The following CFAP299 variants were observed in gnomAD, a reference collection of about 807,000 sequenced individuals.
CFAP299 encodes cilia- and flagella-associated protein 299.
In CFAP299, 21 loss-of-function variants were observed where a neutral mutation model predicts 27.0. The ratio of observed to expected loss-of-function variants is 0.78; its 90% CI spans 0.55 to 1.12. The LOEUF is 1.12. CFAP299 is among the 50% of genes most tolerant of loss of function. CFAP299 has a pLI of 0.00. For synonymous variants in CFAP299, 104 were observed against 98.1 expected, an observed-to-expected ratio of 1.06 and a Z score of -0.36; for missense variants, 310 against 276.6, an observed-to-expected ratio of 1.12 and a Z score of -0.86.
Position 80,629,747 on chromosome 4 carries a change from G to A in CFAP299, c.333+46564G>A, listed in dbSNP as rs571003450. ...ATACAAAAATTAGCCAGGTATGATG[G>A]TGTGCACCTGTAGTCCCAGCTACTT... On this transcript the variant is annotated intron_variant, in intron 3 of 5. Coordinates refer to ENST00000358105, the MANE Select transcript of CFAP299 (RefSeq NM_152770.3). Among the ~76,000 whole-genome samples, 5 of 151,946 alleles carry A rather than the reference G, an allele frequency of 3.3e-5. No homozygotes were observed. The South Asian group carries it at 1.0e-3, about 32-fold the overall frequency.
intron 3 of CFAP299, among the ~76,000 whole-genome samples, chr4:80,629,389 A>C (rs1454285669): frequency 6.6e-6 from 1 of 152,104 alleles, no homozygotes; most frequent in Non-Finnish European, 1.5e-5. Context: ...CAAGAGCTCT[A>C]TTGTACAACT....
chr4:80,724,913 T>C (rs1320558680), intron 3 of CFAP299, among the ~76,000 whole-genome samples: 1 of 150,634 alleles, frequency 6.6e-6, no homozygotes, highest in Non-Finnish European at 1.5e-5. Context: ...TTTTCTTTCT[T>C]TCCTTCTTTC....
intron 3 of CFAP299, among the ~76,000 whole-genome samples, chr4:80,706,240 T>G (rs1170902368): frequency 2.0e-5 from 3 of 151,688 alleles, no homozygotes; most frequent in Non-Finnish European, 3.0e-5. Context: ...TTTCTGATAT[T>G]TGAGAGGTGG....
intron 4 of CFAP299, among the ~76,000 whole-genome samples, chr4:80,897,176 C>A (rs1397514060): frequency 2.6e-5 from 4 of 152,094 alleles, no homozygotes; most frequent in Non-Finnish European, 4.4e-5. Flanking sequence ...CATAGAAAAA[C>A]AGCAAGGTGT....
intron 3 of CFAP299, among the ~76,000 whole-genome samples, chr4:80,629,996 G>A (rs937714175): frequency 4.0e-4 from 61 of 152,114 alleles, no homozygotes; most frequent in African/African-American, 1.4e-3. Flanking sequence ...AAATGTTTAG[G>A]TGGAATAAAT....
intron 3 of CFAP299, among the ~76,000 whole-genome samples, chr4:80,709,205 T>G (rs34203321): frequency 0.074 from 11,273 of 152,230 alleles, 842 homozygotes; most frequent in African/African-American, 0.19. Flanking sequence ...GAGTTTAGCT[T>G]TTTTATTCAC....
At chr4:80,570,351 A>G (rs4283653) in intron 2 of CFAP299, among the ~76,000 whole-genome samples, 141,911 of 151,962 alleles carry the variant, frequency 0.93, 66,320 homozygotes, top group East Asian at 1. Flanking sequence ...ACTACGTGTG[A>G]AATAATATAT....
At chr4:80,669,752 CA>C (rs1741368227) in intron 3 of CFAP299, among the ~76,000 whole-genome samples, 1 of 151,892 alleles carries the variant, frequency 6.6e-6, no homozygotes, top group Non-Finnish European at 1.5e-5. Context: ...TGAAAGTGGG[CA>C]ACCTTGTCTT....
chr4:80,679,285 G>A (rs1208018583), intron 3 of CFAP299, among the ~76,000 whole-genome samples: 1 of 151,878 alleles, frequency 6.6e-6, no homozygotes, highest in Non-Finnish European at 1.5e-5. Context: ...TTGTGTCGTG[G>A]TTTCAAATTT....
chr4:80,359,319 G>T (rs574773844), intron 1 of CFAP299, among the ~76,000 whole-genome samples: 114 of 152,180 alleles, frequency 7.5e-4, no homozygotes, highest in Middle Eastern at 3.4e-3. Flanking sequence ...TTCTTGTGAA[G>T]TACCTTACTG....
At chr4:80,372,137 C>T (rs1724177107) in intron 2 of CFAP299, among the ~76,000 whole-genome samples, 2 of 152,170 alleles carry the variant, frequency 1.3e-5, no homozygotes, top group African/African-American at 4.8e-5. Flanking sequence ...TTACAATCTG[C>T]TGAAAGGTGA....
intron 3 of CFAP299, among the ~76,000 whole-genome samples, chr4:80,781,021 T>C (rs1036451597): frequency 6.6e-6 from 1 of 151,958 alleles, no homozygotes; most frequent in Admixed American, 6.6e-5. Context: ...ATATGCTTCC[T>C]ATATTTAGAT....
At chr4:80,469,867 TA>T (rs945989022) in intron 2 of CFAP299, among the ~76,000 whole-genome samples, 1 of 152,038 alleles carries the variant, frequency 6.6e-6, no homozygotes, top group African/African-American at 2.4e-5. Flanking sequence ...CCTTTTTCTT[TA>T]AAAAAAATTA....
intron 3 of CFAP299, among the ~76,000 whole-genome samples, chr4:80,710,296 A>G (rs1350001180): frequency 6.6e-6 from 1 of 152,080 alleles, no homozygotes; most frequent in Non-Finnish European, 1.5e-5. Flanking sequence ...GAAACCAGAA[A>G]AGGAAATTAG....
At chr4:80,943,045 C>T (rs560074282) in intron 4 of CFAP299, among the ~76,000 whole-genome samples, 1 of 152,202 alleles carries the variant, frequency 6.6e-6, no homozygotes, top group African/African-American at 2.4e-5. Flanking sequence ...TCATCTTAAA[C>T]TTCACTTGTG....
chr4:80,837,005 G>A (rs1384292625), intron 3 of CFAP299, among the ~76,000 whole-genome samples: 1 of 151,696 alleles, frequency 6.6e-6, no homozygotes, highest in Non-Finnish European at 1.5e-5. Flanking sequence ...TGAAATTGTT[G>A]TTTTCCTTAA....
At chr4:80,956,209 C>T (rs1411113416) in intron 5 of CFAP299, among the ~76,000 whole-genome samples, 1 of 152,054 alleles carries the variant, frequency 6.6e-6, no homozygotes, top group African/African-American at 2.4e-5. Context: ...TTTTGTAAAG[C>T]TTTAGATAGA....
At chr4:80,476,543 G>A (rs1730280286) in intron 2 of CFAP299, among the ~76,000 whole-genome samples, 2 of 151,968 alleles carry the variant, frequency 1.3e-5, no homozygotes, top group South Asian at 4.2e-4. Flanking sequence ...TTTTCTGGAG[G>A]GCTATTTTGG....
intron 3 of CFAP299, among the ~76,000 whole-genome samples, chr4:80,621,121 C>G (rs185641137): frequency 4.1e-4 from 63 of 151,964 alleles, no homozygotes; most frequent in African/African-American, 1.5e-3. Flanking sequence ...TAACTATTGC[C>G]TTAAATATTT....
Sources: gnomAD v4.1 joint callset for allele counts (sites outside exome capture counted in the v4.1 genomes callset) on GRCh38, gnomAD v4.1.1 for gene constraint, MANE v1.5 for transcripts, NCBI Gene and HGNC (gene_info 2026-07-23, HGNC 2026-07-21) for gene names.